BCOR: variants seen among roughly 807,000 people sequenced by gnomAD.
The protein encoded by BCOR is BCL6 corepressor, also known as BCL-6 corepressor.
BCOR carries 10 observed loss-of-function variants against 86.7 expected under a neutral mutation model. That is an observed-to-expected ratio of 0.12 (90% CI 0.07 to 0.20). The LOEUF (loss-of-function observed/expected upper bound fraction) is 0.20, where lower values mean the gene tolerates loss of function less well. Ranked by LOEUF, BCOR falls within the 10% of genes least tolerant of loss-of-function variation. The pLI, the probability that BCOR is intolerant of heterozygous loss-of-function variation, is 1.00. For missense variants in BCOR, 1,259 were observed against 1,452.1 expected (o/e 0.87, Z 2.16); for synonymous variants, 611 against 609.0 (o/e 1.00, Z -0.05).
chrX:40,153,614 C>T (rs1938217964), intron 1 of BCOR, among the ~76,000 whole-genome samples: 1 of 111,808 alleles, frequency 8.9e-6, no homozygotes. Context: ...GGGTTTTCCC[C>T]CTTTCCCCTG....
chrX:40,151,249 A>G (rs1229160700), intron 1 of BCOR, among the ~76,000 whole-genome samples: 2 of 112,458 alleles, frequency 1.8e-5, no homozygotes, highest in African/African-American at 6.5e-5. Flanking sequence ...GAACCTACAC[A>G]CCAAGTCCCA....
chrX:40,075,700 G>A (rs1168273784), intron 3 of BCOR, among the ~76,000 whole-genome samples: 3 of 111,404 alleles, frequency 2.7e-5, no homozygotes, highest in Admixed American at 9.5e-5. Context: ...TGGAGGTTGC[G>A]GTGAGCCAAG....
intron 1 of BCOR, among the ~76,000 whole-genome samples, chrX:40,172,017 G>A (rs1270635870): frequency 8.9e-6 from 1 of 112,975 alleles, no homozygotes; most frequent in African/African-American, 3.2e-5. Flanking sequence ...CTCTGGGCCT[G>A]GGGTTGGCGA....
chrX:40,133,177 G>A (rs1432135206), intron 1 of BCOR, among the ~76,000 whole-genome samples: 1 of 93,075 alleles, frequency 1.1e-5, no homozygotes, highest in Non-Finnish European at 2.1e-5. Context: ...TCGCTCTGTC[G>A]CCCAGACTGG....
chrX:40,092,281 C>T (rs1024002270), intron 1 of BCOR, among the ~76,000 whole-genome samples: 3 of 111,926 alleles, frequency 2.7e-5, no homozygotes, highest in African/African-American at 9.7e-5. Flanking sequence ...GGGCCCCACC[C>T]AAGTGCGGTC....
rs751786618 is a variant in BCOR at position 40,162,364 on chromosome X, T to C, written c.-41+14643A>G. On this transcript the variant is annotated intron_variant, in intron 1 of 14. Coordinates refer to the BCOR transcript ENST00000342274. ...TATTTCAAGGGCCATCCCCTGAATGTCGCTTAGTTCTGACCCACCTGCTGA... is the reference window on the plus strand; with the variant it reads ...TATTTCAAGGGCCATCCCCTGAATGCCGCTTAGTTCTGACCCACCTGCTGA... Among the ~76,000 whole-genome samples, 5 of 111,883 alleles carry C rather than the reference T, an allele frequency of 4.5e-5. No homozygotes were observed. The South Asian group carries it at 1.9e-3, about 42-fold the overall frequency.
chrX:40,104,185 C>T (rs1937125788), intron 1 of BCOR, among the ~76,000 whole-genome samples: 1 of 111,874 alleles, frequency 8.9e-6, no homozygotes, highest in Non-Finnish European at 1.9e-5. Context: ...CTCTTAGTTA[C>T]TGGTCGATGT....
chrX:40,129,423 G>A (rs942912862), intron 1 of BCOR, among the ~76,000 whole-genome samples: 5 of 109,699 alleles, frequency 4.6e-5, no homozygotes, highest in African/African-American at 1.7e-4. Flanking sequence ...GGCAGAGGTT[G>A]CAGTGAGCCA....
chrX:40,150,924 C>T (rs776825395), intron 1 of BCOR, among the ~76,000 whole-genome samples: 1 of 112,416 alleles, frequency 8.9e-6, no homozygotes, highest in African/African-American at 3.2e-5. Flanking sequence ...ACCATGGGGC[C>T]GAGCTCTGGG....
chrX:40,080,987 G>A (rs868507335), intron 1 of BCOR, among the ~76,000 whole-genome samples: 26 of 32,735 alleles, frequency 7.9e-4, no homozygotes, highest in African/African-American at 8.0e-4. Context: ...ACACACACAC[G>A]CGCACACACA....
intron 1 of BCOR, among the ~76,000 whole-genome samples, chrX:40,151,426 G>A (rs1280013906): frequency 4.4e-5 from 5 of 113,188 alleles, no homozygotes; most frequent in Non-Finnish European, 9.4e-5. Flanking sequence ...CCTGGTGTAA[G>A]ACAGGGAGGA....
intron 1 of BCOR, among the ~76,000 whole-genome samples, chrX:40,172,213 T>G (rs1405763278): frequency 1.8e-5 from 2 of 112,606 alleles, no homozygotes; most frequent in Admixed American, 1.9e-4. Flanking sequence ...CTCAGCCACC[T>G]TCGCGGGAGA....
At chrX:40,120,793 C>T (rs1185022624) in intron 1 of BCOR, among the ~76,000 whole-genome samples, 1 of 112,122 alleles carries the variant, frequency 8.9e-6, no homozygotes, top group African/African-American at 3.2e-5. Context: ...ACAAAATTAC[C>T]ATGGATGGTG....
At chrX:40,167,934 A>G (rs1938536376) in intron 1 of BCOR, among the ~76,000 whole-genome samples, 1 of 113,013 alleles carries the variant, frequency 8.8e-6, no homozygotes, top group Admixed American at 9.3e-5. Context: ...GGCCTCCTAC[A>G]GCTCATGAAT....
chrX:40,137,687 G>A (rs1342543978), intron 1 of BCOR, among the ~76,000 whole-genome samples: 1 of 112,002 alleles, frequency 8.9e-6, no homozygotes, highest in Non-Finnish European at 1.9e-5. Context: ...GAAAATTCCA[G>A]ACAACTTTGT....
At position 40,076,450 on chromosome X, in the gene BCOR, T is replaced by A. The variant is rs777919208; in HGVS notation, c.165+4A>T. ...GGCATCAACAGAAGCTATTAATCTC[T>A]TACCACGTTGTGGTTCAAGGGATTC... On this transcript the variant is annotated splice_donor_region_variant and intron_variant, in intron 3 of 14. Transcript: ENST00000378444. 8.4e-7 allele frequency: 1 copy of A among 1,183,923 alleles called. No homozygotes were observed. Among genetic ancestry groups the A allele is most frequent in the East Asian group, 3.0e-5 (1 of 33,609 alleles).
intron 1 of BCOR, among the ~76,000 whole-genome samples, chrX:40,079,078 A>G (rs1467971552): frequency 9.0e-6 from 1 of 111,228 alleles, no homozygotes; most frequent in Admixed American, 9.5e-5. Context: ...GGCCCTCGGC[A>G]ATTCCCTGCT....
rs201939220 is a variant in BCOR, at chrX:40,073,677, C to T, written c.1669G>A (p.Val557Ile). Residue 557 changes from valine (V) to isoleucine (I), a missense_variant, in exon 4 of 15, where the codon GTT becomes ATT. By Grantham distance (29) the Val-to-Ile change is conservative (BLOSUM62 3). Transcript: ENST00000378444. ...CCTGCACTCGACACTGACCCTGAAA[C>T]GTTAGTGATGACAGCATCGGTGCCG... ...MGGTDAVITN[V>I]SGSVSSAGRP... 202 of 1,211,676 alleles carry T rather than the reference C, an allele frequency of 1.7e-4. No individual in the cohort carries two copies. The highest frequency in any genetic ancestry group is 2.3e-4 in the Middle Eastern group (1 of 4,354).
chrX:40,161,122 C>G (rs1213507996), intron 1 of BCOR, among the ~76,000 whole-genome samples: 1 of 109,286 alleles, frequency 9.2e-6, no homozygotes, highest in Non-Finnish European at 1.9e-5. Context: ...ATTCTCCCAC[C>G]TCAGCCTCCA....
Sources: allele counts gnomAD v4.1 joint callset (sites outside exome capture counted in the v4.1 genomes callset), GRCh38; gene constraint gnomAD v4.1.1; transcripts MANE v1.5; gene names NCBI Gene and HGNC (gene_info 2026-07-23, HGNC 2026-07-21).